Variants in KLHL29 observed in about 807,000 individuals in gnomAD.
The protein encoded by KLHL29 is kelch like family member 29, also known as kelch-like protein 29.
Under a neutral mutation model 80.4 loss-of-function variants are expected in KLHL29, and 21 were observed. That is an observed-to-expected ratio of 0.26 (90% CI 0.19 to 0.38). KLHL29 has a LOEUF of 0.38. Ranked by LOEUF, KLHL29 falls within the 10% of genes least tolerant of loss-of-function variation. The pLI is 1.00. For synonymous variants in KLHL29, 511 were observed against 526.8 expected (o/e 0.97, Z 0.41); for missense variants, 867 against 1,223.9 (o/e 0.71, Z 4.35).
chr2:23,508,448 G>C (rs960853495), intron 2 of KLHL29, among the ~76,000 whole-genome samples: 1 of 152,224 alleles, frequency 6.6e-6, no homozygotes, highest in African/African-American at 2.4e-5. Context: ...GCCATGAGGA[G>C]GGGTCCCAGC....
intron 2 of KLHL29, among the ~76,000 whole-genome samples, chr2:23,553,912 C>T (rs1667194933): frequency 6.6e-6 from 1 of 152,206 alleles, no homozygotes. Context: ...GCCAGTCCGT[C>T]GCTGGGGTCC....
chr2:23,705,152 T>C (rs1343650435), intron 13 of KLHL29, among the ~76,000 whole-genome samples: 3 of 152,202 alleles, frequency 2.0e-5, no homozygotes, highest in South Asian at 2.1e-4. Context: ...AACTGGAGCA[T>C]TGCGCTCCAC....
intron 2 of KLHL29, among the ~76,000 whole-genome samples, chr2:23,547,327 G>A (rs1447060812): frequency 6.6e-6 from 1 of 152,200 alleles, no homozygotes; most frequent in Non-Finnish European, 1.5e-5. Context: ...AGAGGCTGTG[G>A]ACCAGATATG....
chr2:23,666,753 G>A (rs1007224709), intron 5 of KLHL29, among the ~76,000 whole-genome samples: 5 of 152,240 alleles, frequency 3.3e-5, no homozygotes, highest in African/African-American at 1.2e-4. Flanking sequence ...CACATGTGGA[G>A]CACCCAAGAT....
intron 2 of KLHL29, among the ~76,000 whole-genome samples, chr2:23,547,362 A>G (rs997188598): frequency 1.3e-5 from 2 of 152,148 alleles, no homozygotes; most frequent in African/African-American, 4.8e-5. Flanking sequence ...GAAAGATTGG[A>G]CTGGGCTTTG....
intron 1 of KLHL29, among the ~76,000 whole-genome samples, chr2:23,429,387 T>A (rs1376681311): frequency 6.6e-6 from 1 of 152,150 alleles, no homozygotes; most frequent in Non-Finnish European, 1.5e-5. Flanking sequence ...AGAGCTTTGG[T>A]TGTGGGGGTC....
chr2:23,495,967 T>C (rs1572356819), intron 2 of KLHL29, among the ~76,000 whole-genome samples: 1 of 152,358 alleles, frequency 6.6e-6, no homozygotes, highest in Middle Eastern at 3.4e-3. Context: ...ATCCTGGAGT[T>C]GCTGCCGAAT....
chr2:23,706,443 G>T, intron 13 of KLHL29, 38 bp from the exon 14 acceptor site: 5 of 1,403,596 alleles, frequency 3.6e-6, no homozygotes, highest in Non-Finnish European at 3.7e-6. Context: ...CAAGTTGGAA[G>T]TGAAATGCCT....
In KLHL29 at chr2:23,385,771, C is replaced by CA. The variant is rs1666157868; in HGVS notation, c.-163_-162insA. On this transcript the variant is annotated 5_prime_UTR_variant, in exon 1 of 14. Transcript: ENST00000486442. ...GCGCGTCGGGCCGGGGCCGGAGCCGCGCGCCGGAGGTAAGAGCCGGGCCGG... is the reference window on the plus strand; with the variant it reads ...GCGCGTCGGGCCGGGGCCGGAGCCGCAGCGCCGGAGGTAAGAGCCGGGCCGG... The CA allele has an allele frequency of 3.5e-4, 2 of 5,682 alleles. No homozygotes were observed. Among genetic ancestry groups the CA allele is most frequent in the East Asian group, 0.045 (1 of 22 alleles). The allele number at this position is 5,682 out of a possible 1,614,324, so 0.4% of individuals were successfully genotyped here.
At chr2:23,584,277 G>A (rs373112042) in intron 3 of KLHL29, among the ~76,000 whole-genome samples, 11 of 152,292 alleles carry the variant, frequency 7.2e-5, no homozygotes, top group African/African-American at 1.2e-4. Flanking sequence ...AGCCCATACC[G>A]GGGCAGGCGG....
chr2:23,435,333 C>T (rs528527319), intron 1 of KLHL29, among the ~76,000 whole-genome samples: 5 of 152,224 alleles, frequency 3.3e-5, no homozygotes, highest in East Asian at 1.9e-4. Context: ...TGCATACAAG[C>T]GATGGGTCAC....
intron 3 of KLHL29, among the ~76,000 whole-genome samples, chr2:23,603,614 G>A (rs1395192537): frequency 6.6e-6 from 1 of 152,258 alleles, no homozygotes; most frequent in Non-Finnish European, 1.5e-5. Context: ...GGGAGATCGA[G>A]GAGGCTGGCC....
chr2:23,653,884 G>A (rs879268846), intron 5 of KLHL29, among the ~76,000 whole-genome samples: 22 of 152,218 alleles, frequency 1.4e-4, no homozygotes, highest in Admixed American at 3.3e-4. Flanking sequence ...GCCCAGCTTC[G>A]GCCAGGCACG....
In KLHL29 at chr2:23,700,928, C is replaced by T. The variant is rs759091680; in HGVS notation, c.2106-2258C>T. ...TAAAGACTACATTTCCCCAGTTTGT[C>T]CTCAGCCCCCATGCACTTCACATCT... On this transcript the variant is annotated intron_variant, in intron 11 of 13. Transcript: ENST00000486442. The surrounding 1 kb of genome is among the most constrained non-coding windows in gnomAD (Gnocchi z 4.6). 6.6e-6 allele frequency among the ~76,000 whole-genome samples: 1 copy of T among 152,184 alleles called. No individual in the cohort carries two copies. The highest frequency in any genetic ancestry group is 1.5e-5 in the Non-Finnish European group (1 of 68,044).
Position 23,621,864 on chromosome 2 carries a change from G to A in KLHL29, c.286-17275G>A, listed in dbSNP as rs553990708. On this transcript the variant is annotated intron_variant, in intron 3 of 13. Coordinates refer to ENST00000486442, the MANE Select transcript of KLHL29 (RefSeq NM_052920.2). ...CAAATGCAGCTCACCATATCCAGGCGTCCAAATAGGGGCAGCTACCACATA... is the reference window on the plus strand; with the variant it reads ...CAAATGCAGCTCACCATATCCAGGCATCCAAATAGGGGCAGCTACCACATA... Among the ~76,000 whole-genome samples, 41 of 152,134 alleles carry A rather than the reference G, an allele frequency of 2.7e-4. 1 individual carries two copies. Among genetic ancestry groups the A allele is most frequent in the Non-Finnish European group, 5.4e-4 (37 of 68,022 alleles).
chr2:23,421,997 C>G (rs201477355), intron 1 of KLHL29, among the ~76,000 whole-genome samples: 8 of 126,456 alleles, frequency 6.3e-5, no homozygotes, highest in African/African-American at 2.7e-4. Flanking sequence ...GTGTTTGTCT[C>G]TGTCAGTGTA....
intron 1 of KLHL29, among the ~76,000 whole-genome samples, chr2:23,411,446 C>T (rs2339806): frequency 0.021 from 2,575 of 123,184 alleles, 29 homozygotes; most frequent in Middle Eastern, 0.047. Flanking sequence ...GATGGAAGGG[C>T]GAGGTAATGG....
At chr2:23,620,778 G>C (rs983282392) in intron 3 of KLHL29, among the ~76,000 whole-genome samples, 3 of 152,240 alleles carry the variant, frequency 2.0e-5, no homozygotes, top group African/African-American at 4.8e-5. Context: ...AGGGAGGCAG[G>C]AGAAGAACGT....
chr2:23,577,643 G>A (rs550965822), intron 3 of KLHL29, among the ~76,000 whole-genome samples: 3 of 151,890 alleles, frequency 2.0e-5, no homozygotes, highest in Non-Finnish European at 4.4e-5. Flanking sequence ...AGCTACTCTG[G>A]AGGCTGAGGC....
Sources: allele counts gnomAD v4.1 joint callset (sites outside exome capture counted in the v4.1 genomes callset), GRCh38; gene constraint gnomAD v4.1.1; non-coding constraint Gnocchi (gnomAD v3.1); transcripts MANE v1.5; gene names NCBI Gene and HGNC (gene_info 2026-07-23, HGNC 2026-07-21).